Variants in SUFU observed in about 807,000 individuals in gnomAD.
The protein encoded by SUFU is suppressor of fused homolog.
A neutral mutation model predicts 58.9 loss-of-function variants in SUFU; 7 were observed. The observed-to-expected ratio is 0.12, with a 90% CI of 0.07 to 0.22. The LOEUF is 0.22. Among genes scored for constraint, SUFU ranks in the 10% least tolerant of loss-of-function variants. SUFU has a pLI of 1.00. For missense variants in SUFU, 451 were observed against 641.3 expected, an observed-to-expected ratio of 0.70 and a Z score of 3.20; for synonymous variants, 232 against 254.8, an observed-to-expected ratio of 0.91 and a Z score of 0.85.
intron 10 of SUFU, among the ~76,000 whole-genome samples, chr10:102,620,386 T>C (rs746653053): frequency 2.6e-5 from 4 of 152,130 alleles, no homozygotes; most frequent in African/African-American, 4.8e-5. Flanking sequence ...CAGACAGGCC[T>C]CCACACCCAC....
chr10:102,628,281 C>A lies in SUFU; in HGVS notation c.1365+1038C>A, dbSNP rs140074117. On this transcript the variant is annotated intron_variant, in intron 11 of 11. Coordinates refer to ENST00000369902, the MANE Select transcript of SUFU (RefSeq NM_016169.4). The surrounding 1 kb of genome is among the most constrained non-coding windows in gnomAD (Gnocchi z 4.5). Reference sequence around the variant, plus strand: ...AGGGGAGTGCACAGGGCGGGACCGTCCAGTCCAGGTCTCCAGTTGGACAGG... The same window carrying A: ...AGGGGAGTGCACAGGGCGGGACCGTACAGTCCAGGTCTCCAGTTGGACAGG... 1.3e-5 allele frequency among the ~76,000 whole-genome samples: 2 copies of A among 152,320 alleles called. No individual in the cohort carries two copies. The highest frequency in any genetic ancestry group is 2.9e-5 in the Non-Finnish European group (2 of 68,024).
At position 102,619,671 on chromosome 10, in the gene SUFU, C is replaced by A. The variant is rs975217415; in HGVS notation, c.1296+2243C>A. 1.3e-5 allele frequency among the ~76,000 whole-genome samples: 2 copies of A among 152,198 alleles called. No individual in the cohort carries two copies. Among genetic ancestry groups the A allele is most frequent in the African/African-American group, 2.4e-5 (1 of 41,446 alleles). On this transcript the variant is annotated intron_variant, in intron 10 of 11. Transcript: ENST00000369902. This position sits in a 1 kb window ranked among gnomAD's most constrained non-coding sequence, Gnocchi z 4.2. ...TCAGCAGTGGAGCCAACACCCACAC[C>A]AGCCCTCCTCCCCCTGCCAGGCAGT...
At chr10:102,584,344 CTCTT>C (rs1324297263) in intron 3 of SUFU, among the ~76,000 whole-genome samples, 1 of 152,032 alleles carries the variant, frequency 6.6e-6, no homozygotes, top group Non-Finnish European at 1.5e-5. Flanking sequence ...CTCTTTGGTT[CTCTT>C]TGTCTTTTTT....
chr10:102,583,674 C>T lies in SUFU; in HGVS notation c.455-8908C>T, dbSNP rs368029168. Among the ~76,000 whole-genome samples the T allele has an allele frequency of 3.8e-4, 58 of 152,260 alleles. 1 individual carries two copies. The highest frequency in any genetic ancestry group is 2.9e-3 in the East Asian group (15 of 5,178). On this transcript the variant is annotated intron_variant, in intron 3 of 11. Transcript: ENST00000369902. The stretch of plus-strand genomic sequence containing the variant: ...CCTGTTTCCAGCCTAAATAAATCCC[C>T]ACCCGGTTTGGGGTATGTTTCTTTT...
At chr10:102,526,272 G>A (rs558180832) in intron 2 of SUFU, among the ~76,000 whole-genome samples, 3 of 152,078 alleles carry the variant, frequency 2.0e-5, no homozygotes, top group South Asian at 4.2e-4. Context: ...AAAGCAGGGC[G>A]CCAAGTGTGG....
chr10:102,607,097 C>T (rs1262370877), intron 8 of SUFU, among the ~76,000 whole-genome samples: 7 of 146,728 alleles, frequency 4.8e-5, no homozygotes, highest in African/African-American at 1.3e-4. Flanking sequence ...CTGACTCTGT[C>T]GCCTTGGCTG....
chr10:102,512,616 A>G (rs535666109), intron 2 of SUFU, among the ~76,000 whole-genome samples: 6 of 152,324 alleles, frequency 3.9e-5, no homozygotes, highest in South Asian at 2.1e-4. Context: ...CTTTGTATTC[A>G]TATGTCATTT....
intron 3 of SUFU, among the ~76,000 whole-genome samples, chr10:102,578,500 G>C (rs1160147645): frequency 6.6e-6 from 1 of 151,916 alleles, no homozygotes; most frequent in Non-Finnish European, 1.5e-5. Context: ...ATAAGGTCAA[G>C]AGATTGAGAA....
chr10:102,542,174 C>T (rs2062809817), intron 2 of SUFU, among the ~76,000 whole-genome samples: 1 of 148,688 alleles, frequency 6.7e-6, no homozygotes, highest in Admixed American at 6.7e-5. Flanking sequence ...ACTCTGTTGC[C>T]TGGGCTGGAG....
At chr10:102,503,890 A>G (rs1218576612), upstream of SUFU, 3 of 452,796 alleles carry the variant, frequency 6.6e-6, no homozygotes, top group East Asian at 4.0e-5. Flanking sequence ...ACTGGCACAG[A>G]CATTAGCCAA....
At chr10:102,620,583 G>T (rs564612957) in intron 10 of SUFU, among the ~76,000 whole-genome samples, 2 of 152,226 alleles carry the variant, frequency 1.3e-5, no homozygotes, top group Non-Finnish European at 2.9e-5. Context: ...ACAGCACCTT[G>T]ACTCCGTCTG....
intron 3 of SUFU, among the ~76,000 whole-genome samples, chr10:102,558,850 C>A (rs1024168959): frequency 6.6e-6 from 1 of 152,196 alleles, no homozygotes; most frequent in Non-Finnish European, 1.5e-5. Context: ...GGAGCGGGCA[C>A]TTTCTGTTCT....
chr10:102,561,335 C>A (rs890466255), intron 3 of SUFU, among the ~76,000 whole-genome samples: 38 of 152,096 alleles, frequency 2.5e-4, no homozygotes, highest in Admixed American at 7.9e-4. Flanking sequence ...TTTCAACAAA[C>A]AATAGAAGGA....
intron 10 of SUFU, among the ~76,000 whole-genome samples, chr10:102,620,255 T>C (rs1160304300): frequency 6.6e-6 from 1 of 152,168 alleles, no homozygotes; most frequent in African/African-American, 2.4e-5. Context: ...AGGCCTGTTA[T>C]CTCTTGGGAG....
chr10:102,576,783 C>T (rs2135817215), intron 3 of SUFU, among the ~76,000 whole-genome samples: 1 of 152,268 alleles, frequency 6.6e-6, no homozygotes, highest in East Asian at 1.9e-4. Flanking sequence ...TTATAGCTCA[C>T]TGTAACCTGG....
intron 3 of SUFU, among the ~76,000 whole-genome samples, chr10:102,554,577 A>G (rs1485339526): frequency 6.6e-6 from 1 of 152,086 alleles, no homozygotes; most frequent in East Asian, 1.9e-4. Context: ...TTCCAACATC[A>G]TTCTTTTCTT....
At chr10:102,579,912 ACT>A (rs1387380217) in intron 3 of SUFU, 4 of 955,494 alleles carry the variant, frequency 4.2e-6, no homozygotes, top group South Asian at 4.8e-5. Flanking sequence ...AAGTTGGGAA[ACT>A]CTACAACTGG....
At chr10:102,597,009 C>T (rs972348564) in intron 6 of SUFU, 131 bp from the exon 7 acceptor site, 25 of 1,092,542 alleles carry the variant, frequency 2.3e-5, no homozygotes, top group Admixed American at 9.0e-5. Flanking sequence ...AGATCCTGCT[C>T]TCCAGCATTT....
At chr10:102,623,042 G>A (rs1170361936) in intron 10 of SUFU, among the ~76,000 whole-genome samples, 3 of 148,636 alleles carry the variant, frequency 2.0e-5, no homozygotes, top group Non-Finnish European at 4.4e-5. Flanking sequence ...TTACCCCAGA[G>A]TATTCTGATT....
Sources: gnomAD v4.1 joint callset for allele counts (sites outside exome capture counted in the v4.1 genomes callset) on GRCh38, gnomAD v4.1.1 for gene constraint, Gnocchi (gnomAD v3.1) non-coding constraint, MANE v1.5 for transcripts, NCBI Gene and HGNC (gene_info 2026-07-23, HGNC 2026-07-21) for gene names.